Variants in ZMIZ1 observed in about 807,000 individuals in gnomAD.
The protein encoded by ZMIZ1 is zinc finger MIZ domain-containing protein 1.
Under a neutral mutation model 113.9 loss-of-function variants are expected in ZMIZ1, and 17 were observed. That is an observed-to-expected ratio of 0.15 (90% CI 0.10 to 0.22). The LOEUF is 0.22. Ranked by LOEUF, ZMIZ1 falls within the 10% of genes least tolerant of loss-of-function variation. ZMIZ1 has a pLI of 1.00. For missense variants in ZMIZ1, 1,059 were observed against 1,477.8 expected, an observed-to-expected ratio of 0.72 and a Z score of 4.65; for synonymous variants, 607 against 603.1, an observed-to-expected ratio of 1.01 and a Z score of -0.09.
chr10:79,238,113 C>T (rs1849669299), intron 7 of ZMIZ1, among the ~76,000 whole-genome samples: 1 of 152,106 alleles, frequency 6.6e-6, no homozygotes, highest in African/African-American at 2.4e-5. Flanking sequence ...TGAGCAGGCT[C>T]CTCTGAATGA....
chr10:79,114,494 CGTGTGTGTGTGCGTGTGT>C (rs1189382444), intron 1 of ZMIZ1, among the ~76,000 whole-genome samples: 40 of 114,416 alleles, frequency 3.5e-4, no homozygotes, highest in African/African-American at 1.1e-3. Context: ...TGTGTGTGTG[CGTGTGTGTGTGCGTGTGT>C]GTGTGTGTGT....
At chr10:79,156,457 G>C (rs957585495) in intron 3 of ZMIZ1, among the ~76,000 whole-genome samples, 2 of 152,182 alleles carry the variant, frequency 1.3e-5, no homozygotes, top group Admixed American at 1.3e-4. Flanking sequence ...TTTCTCACCT[G>C]GTGTTCCTGC....
chr10:79,247,144 G>A (rs1452049362), intron 7 of ZMIZ1, among the ~76,000 whole-genome samples: 2 of 152,042 alleles, frequency 1.3e-5, no homozygotes, highest in East Asian at 3.9e-4. Context: ...GTCTGAAAAT[G>A]CGGTGGCTTT....
Position 79,201,702 on chromosome 10 carries a change from G to A in ZMIZ1, c.60+10G>A. The A allele has an allele frequency of 1.9e-6, 3 of 1,612,580 alleles. No homozygotes were observed. Among genetic ancestry groups the A allele is most frequent in the Non-Finnish European group, 2.5e-6 (3 of 1,179,812 alleles). On this transcript the variant is annotated intron_variant, in intron 5 of 24. Coordinates refer to ENST00000334512, the MANE Select transcript of ZMIZ1 (RefSeq NM_020338.4). ...GCAGTGCATCAAGCAGGTGGGTGTGGGGCAAGGCACACTCCGAGGGCGGGG... is the reference window on the plus strand; with the variant it reads ...GCAGTGCATCAAGCAGGTGGGTGTGAGGCAAGGCACACTCCGAGGGCGGGG...
At chr10:79,216,713 C>T (rs1037315299) in intron 7 of ZMIZ1, among the ~76,000 whole-genome samples, 1 of 152,226 alleles carries the variant, frequency 6.6e-6, no homozygotes, top group Non-Finnish European at 1.5e-5. Flanking sequence ...AAGCCTAGGC[C>T]TGTACTTCAG....
rs1270378697 is a variant in ZMIZ1 at position 79,125,071 on chromosome 10, G to A, written c.-227+6047G>A. On this transcript the variant is annotated intron_variant, in intron 2 of 24. Transcript: ENST00000334512. ...AGGTTGGAGGCTTGTCCACTGGCCG[G>A]ACCTTCATGCTCCACCACGGCCTCT... Among the ~76,000 whole-genome samples, 7 of 152,216 alleles carry A rather than the reference G, an allele frequency of 4.6e-5. 1 individual carries two copies. In the South Asian group the frequency reaches 8.3e-4, roughly 18 times the overall value.
chr10:79,150,199 G>A (rs984058942), intron 3 of ZMIZ1, among the ~76,000 whole-genome samples: 3 of 152,174 alleles, frequency 2.0e-5, no homozygotes, highest in South Asian at 2.1e-4. Context: ...ACTAGGCCTC[G>A]GCGAGTGGCC....
intron 8 of ZMIZ1, among the ~76,000 whole-genome samples, chr10:79,278,103 A>G (rs79968035): frequency 0.03 from 4,627 of 152,344 alleles, 110 homozygotes; most frequent in Middle Eastern, 0.054. Flanking sequence ...CGCACCATCG[A>G]GGTGCTGCTG....
chr10:79,099,890 G>A (rs998046884), intron 1 of ZMIZ1, among the ~76,000 whole-genome samples: 18 of 152,138 alleles, frequency 1.2e-4, no homozygotes, highest in African/African-American at 4.1e-4. Context: ...GTAGGAGCAC[G>A]GTGCTGACAT....
intron 5 of ZMIZ1, among the ~76,000 whole-genome samples, chr10:79,202,366 G>A (rs1848136980): frequency 6.6e-6 from 1 of 151,986 alleles, no homozygotes; most frequent in Admixed American, 6.6e-5. Context: ...CGCTTTGGGA[G>A]GCTAAGGGAG....
intron 4 of ZMIZ1, among the ~76,000 whole-genome samples, chr10:79,165,077 G>C (rs939163917): frequency 3.3e-5 from 5 of 152,164 alleles, no homozygotes; most frequent in African/African-American, 1.2e-4. Flanking sequence ...GTTGGGTAGG[G>C]GGGTGGGGAG....
intron 1 of ZMIZ1, among the ~76,000 whole-genome samples, chr10:79,071,087 G>A (rs1326976118): frequency 6.6e-6 from 1 of 152,202 alleles, no homozygotes; most frequent in Non-Finnish European, 1.5e-5. Flanking sequence ...GGACAGCCCA[G>A]GGCATGGGAG....
At chr10:79,120,146 C>T (rs1844224549) in intron 2 of ZMIZ1, among the ~76,000 whole-genome samples, 1 of 152,172 alleles carries the variant, frequency 6.6e-6, no homozygotes, top group African/African-American at 2.4e-5. Context: ...CATGCACACA[C>T]AGACATGAGT....
chr10:79,204,755 T>C (rs562218590), intron 5 of ZMIZ1, among the ~76,000 whole-genome samples: 2 of 152,264 alleles, frequency 1.3e-5, no homozygotes, highest in Non-Finnish European at 2.9e-5. Context: ...GATGGACATA[T>C]GGGCAGATAG....
At chr10:79,195,311 C>G (rs1261716009) in intron 4 of ZMIZ1, among the ~76,000 whole-genome samples, 1 of 152,240 alleles carries the variant, frequency 6.6e-6, no homozygotes, top group Non-Finnish European at 1.5e-5. Context: ...GGTCCTGATC[C>G]CCCATGCTGA....
intron 1 of ZMIZ1, among the ~76,000 whole-genome samples, chr10:79,108,578 G>A (rs1380496803): frequency 6.6e-6 from 1 of 152,136 alleles, no homozygotes; most frequent in Non-Finnish European, 1.5e-5. Context: ...TATTGGGCTA[G>A]CAGGACAGGG....
At chr10:79,097,286 A>C (rs1425608600) in intron 1 of ZMIZ1, among the ~76,000 whole-genome samples, 5 of 152,162 alleles carry the variant, frequency 3.3e-5, no homozygotes, top group African/African-American at 1.2e-4. Context: ...GCATGAAGGG[A>C]GGCCTGGCCT....
intron 7 of ZMIZ1, among the ~76,000 whole-genome samples, chr10:79,218,620 T>C (rs1452234509): frequency 6.6e-6 from 1 of 151,648 alleles, no homozygotes; most frequent in African/African-American, 2.4e-5. Flanking sequence ...TCTGTCTGTC[T>C]GTGTAAGCTC....
intron 3 of ZMIZ1, among the ~76,000 whole-genome samples, chr10:79,152,410 G>A (rs1192585765): frequency 6.6e-6 from 1 of 152,174 alleles, no homozygotes; most frequent in African/African-American, 2.4e-5. Flanking sequence ...TGAGGTGGGA[G>A]GATCGCTTGA....
Sources: allele counts gnomAD v4.1 joint callset (sites outside exome capture counted in the v4.1 genomes callset), GRCh38; gene constraint gnomAD v4.1.1; transcripts MANE v1.5; gene names NCBI Gene and HGNC (gene_info 2026-07-23, HGNC 2026-07-21).